The following GRIK4 variants were observed in gnomAD, a reference collection of about 807,000 sequenced individuals.
GRIK4 encodes the protein glutamate receptor ionotropic, kainate 4.
Under a neutral mutation model 104.9 loss-of-function variants are expected in GRIK4, and 40 were observed. The ratio of observed to expected loss-of-function variants is 0.38; its 90% CI spans 0.30 to 0.50. GRIK4 has a LOEUF of 0.50. GRIK4 is among the 20% of genes least tolerant of loss of function. The pLI is 0.93. For missense variants in GRIK4, 1,047 were observed against 1,308.1 expected, an observed-to-expected ratio of 0.80 and a Z score of 3.08; for synonymous variants, 485 against 524.9, an observed-to-expected ratio of 0.92 and a Z score of 1.04.
At chr11:120,706,989 A>G (rs922487717) in intron 3 of GRIK4, among the ~76,000 whole-genome samples, 6 of 152,142 alleles carry the variant, frequency 3.9e-5, no homozygotes, top group African/African-American at 9.7e-5. Flanking sequence ...ATAGCTACCA[A>G]TCCTCTCTGA....
chr11:120,607,882 G>A (rs1198000390), intron 1 of GRIK4, among the ~76,000 whole-genome samples: 2 of 152,172 alleles, frequency 1.3e-5, no homozygotes, highest in Non-Finnish European at 2.9e-5. Context: ...ACTGGAGAAG[G>A]TGGAGGGAAA....
chr11:120,665,728 AG>A (rs1949902645), intron 3 of GRIK4, among the ~76,000 whole-genome samples: 1 of 152,138 alleles, frequency 6.6e-6, no homozygotes. Context: ...TTTTACCAAA[AG>A]AAAAAAAAGT....
intron 3 of GRIK4, among the ~76,000 whole-genome samples, chr11:120,800,734 T>C (rs1369276102): frequency 6.6e-6 from 1 of 152,240 alleles, no homozygotes. Flanking sequence ...TGCAATATTC[T>C]GTGTCCTGAT....
At chr11:120,691,475 C>T in intron 3 of GRIK4, among the ~76,000 whole-genome samples, 1 of 152,194 alleles carries the variant, frequency 6.6e-6, no homozygotes, top group East Asian at 1.9e-4. Flanking sequence ...TGAGGCTCAG[C>T]ATTGTTAAAT....
chr11:120,935,473 G>A (rs902314663), intron 13 of GRIK4, among the ~76,000 whole-genome samples: 1 of 152,118 alleles, frequency 6.6e-6, no homozygotes. Context: ...TCACTCGAAT[G>A]TGGGAGGTGG....
intron 8 of GRIK4, among the ~76,000 whole-genome samples, chr11:120,861,382 A>C (rs1056308643): frequency 6.6e-6 from 1 of 152,150 alleles, no homozygotes; most frequent in African/African-American, 2.4e-5. Flanking sequence ...TGCTGGGATT[A>C]TGAGCGTGAG....
intron 19 of GRIK4, among the ~76,000 whole-genome samples, chr11:120,969,953 T>G (rs1332864420): frequency 3.9e-5 from 6 of 152,192 alleles, no homozygotes; most frequent in Non-Finnish European, 7.3e-5. Context: ...TGCACTATGC[T>G]GCAATCTTGG....
At chr11:120,590,354 G>C (rs992360618) in intron 1 of GRIK4, among the ~76,000 whole-genome samples, 3 of 152,202 alleles carry the variant, frequency 2.0e-5, no homozygotes, top group African/African-American at 7.2e-5. Flanking sequence ...CACAGGCTTT[G>C]TCTGAATTGG....
chr11:120,762,651 G>T (rs1380174307), intron 3 of GRIK4, among the ~76,000 whole-genome samples: 3 of 152,136 alleles, frequency 2.0e-5, no homozygotes, highest in African/African-American at 7.2e-5. Flanking sequence ...GCATGATGGG[G>T]TATTGAATTT....
chr11:120,774,826 G>A (rs1029870918), intron 3 of GRIK4, among the ~76,000 whole-genome samples: 1 of 152,210 alleles, frequency 6.6e-6, no homozygotes, highest in African/African-American at 2.4e-5. Context: ...TGACAAGGCT[G>A]CTGGACCATT....
chr11:120,523,376 G>A (rs555701324), intron 1 of GRIK4, among the ~76,000 whole-genome samples: 22 of 152,084 alleles, frequency 1.4e-4, no homozygotes, highest in Admixed American at 3.3e-4. Context: ...GTGGGGTGGC[G>A]GCTGCTGGGC....
intron 1 of GRIK4, among the ~76,000 whole-genome samples, chr11:120,580,227 CTTTCTTTCTTTCT>C (rs1948555392): frequency 7.2e-6 from 1 of 139,676 alleles, no homozygotes; most frequent in Non-Finnish European, 1.5e-5. Flanking sequence ...TTCTTTCTTT[CTTTCTTTCTTTCT>C]TTCTTTCTTT....
chr11:120,696,264 G>C (rs1382731098), intron 3 of GRIK4, among the ~76,000 whole-genome samples: 1 of 152,168 alleles, frequency 6.6e-6, no homozygotes, highest in Non-Finnish European at 1.5e-5. Context: ...ATGCACCGAA[G>C]TGTGTCTGTC....
chr11:120,785,480 G>T (rs1228555579), intron 3 of GRIK4, among the ~76,000 whole-genome samples: 2 of 152,214 alleles, frequency 1.3e-5, no homozygotes, highest in Non-Finnish European at 2.9e-5. Flanking sequence ...ACTAACTGCA[G>T]ATAGAATTGT....
intron 14 of GRIK4, among the ~76,000 whole-genome samples, chr11:120,941,580 CAAGTG>C (rs1943726212): frequency 6.6e-6 from 1 of 152,128 alleles, no homozygotes; most frequent in Non-Finnish European, 1.5e-5. Context: ...CAGATGTACT[CAAGTG>C]AAGGTGCAGC....
chr11:120,805,355 C>T (rs1181645889), intron 4 of GRIK4, among the ~76,000 whole-genome samples: 1 of 152,128 alleles, frequency 6.6e-6, no homozygotes, highest in African/African-American at 2.4e-5. Flanking sequence ...CCAAGATTTG[C>T]CCGTCATGGA....
chr11:120,787,852 C>CTTTTTTTTTTTTTTTTTTTTTTTTTT (rs58523604), intron 3 of GRIK4, among the ~76,000 whole-genome samples: 3 of 77,122 alleles, frequency 3.9e-5, no homozygotes, highest in African/African-American at 1.9e-4. Flanking sequence ...CTTTTCTTTT[C>CTTTTTTTTTTTTTTTTTTTTTTTTTT]TTTTTTTTTT....
chr11:120,827,245 C>A (rs1437591130), intron 6 of GRIK4, among the ~76,000 whole-genome samples: 2 of 152,198 alleles, frequency 1.3e-5, no homozygotes, highest in Non-Finnish European at 2.9e-5. Flanking sequence ...CGGCTGTGTC[C>A]ACCCCTGGCT....
intron 1 of GRIK4, among the ~76,000 whole-genome samples, chr11:120,645,066 G>A (rs1206223175): frequency 6.6e-6 from 1 of 152,206 alleles, no homozygotes; most frequent in East Asian, 1.9e-4. Context: ...ATGTGTGTAC[G>A]GTATGCCTTG....
Sources: gnomAD v4.1 joint callset for allele counts (sites outside exome capture counted in the v4.1 genomes callset) on GRCh38, gnomAD v4.1.1 for gene constraint, MANE v1.5 for transcripts, NCBI Gene and HGNC (gene_info 2026-07-23, HGNC 2026-07-21) for gene names.